The following SNTB1 variants were observed in gnomAD, a reference collection of about 807,000 sequenced individuals.
SNTB1 encodes the protein syntrophin beta 1.
A neutral mutation model predicts 48.9 loss-of-function variants in SNTB1; 36 were observed. The observed-to-expected ratio is 0.74, with a 90% CI of 0.56 to 0.97. SNTB1 has a LOEUF of 0.97. Among genes scored for constraint, SNTB1 ranks in the 50% least tolerant of loss-of-function variants. The pLI is 0.00. For missense variants in SNTB1, 786 were observed against 703.4 expected (o/e 1.12, Z -1.33); for synonymous variants, 299 against 294.6 (o/e 1.01, Z -0.15).
At chr8:120,619,811 C>T (rs956878978) in intron 3 of SNTB1, among the ~76,000 whole-genome samples, 13 of 152,128 alleles carry the variant, frequency 8.5e-5, no homozygotes, top group African/African-American at 2.7e-4. Context: ...AGATAACCCC[C>T]TCTCTAGGCA....
chr8:120,543,850 C>T (rs922156768), intron 5 of SNTB1, among the ~76,000 whole-genome samples: 12 of 152,134 alleles, frequency 7.9e-5, no homozygotes, highest in Non-Finnish European at 1.6e-4. Context: ...ACTCCTTCTG[C>T]GCACAGTCCC....
intron 3 of SNTB1, among the ~76,000 whole-genome samples, 157 bp downstream of exon 3, chr8:120,632,287 A>G (rs903739525): frequency 6.6e-6 from 1 of 152,348 alleles, no homozygotes; most frequent in East Asian, 1.9e-4. Flanking sequence ...AAACCCATGT[A>G]TAATGTAAAG....
In SNTB1 at chr8:120,604,387, A is replaced by G. The variant is rs530636425; in HGVS notation, c.996+28057T>C. Among the ~76,000 whole-genome samples, 7 of 151,366 alleles carry G rather than the reference A, an allele frequency of 4.6e-5. No homozygotes were observed. In the South Asian group the frequency reaches 6.3e-4, roughly 14 times the overall value. On this transcript the variant is annotated intron_variant, in intron 3 of 6. Coordinates refer to ENST00000517992, the MANE Select transcript of SNTB1 (RefSeq NM_021021.4). ...ACTCTTGCAGCCTTTCCATATATCA[A>G]TTCTTCTCAGGTGGTTCATATCAAA...
chr8:120,618,080 A>G (rs1373776046), intron 3 of SNTB1, among the ~76,000 whole-genome samples: 1 of 152,102 alleles, frequency 6.6e-6, no homozygotes, highest in African/African-American at 2.4e-5. Context: ...TGCACATACT[A>G]TTTCTGCAAC....
chr8:120,704,239 C>T (rs1818347640), intron 1 of SNTB1, among the ~76,000 whole-genome samples: 1 of 152,056 alleles, frequency 6.6e-6, no homozygotes, highest in South Asian at 2.1e-4. Context: ...TTGCTTGAGG[C>T]CAGGAGTTAG....
At chr8:120,786,693 T>C (rs1819928180) in intron 1 of SNTB1, among the ~76,000 whole-genome samples, 1 of 151,982 alleles carries the variant, frequency 6.6e-6, no homozygotes, top group East Asian at 1.9e-4. Context: ...AGGTCAAGAG[T>C]GTGACTGGAA....
At chr8:120,634,235 G>A (rs949423284) in intron 2 of SNTB1, among the ~76,000 whole-genome samples, 7 of 151,990 alleles carry the variant, frequency 4.6e-5, no homozygotes, top group African/African-American at 7.3e-5. Flanking sequence ...ACAGGGATTC[G>A]GAAATTCAAA....
At chr8:120,694,664 A>G (rs1482700072) in intron 1 of SNTB1, among the ~76,000 whole-genome samples, 2 of 151,718 alleles carry the variant, frequency 1.3e-5, no homozygotes, top group Admixed American at 6.6e-5. Flanking sequence ...AGTGGGGATA[A>G]AAGGAGAAAG....
chr8:120,606,383 T>C (rs1386203240), intron 3 of SNTB1, among the ~76,000 whole-genome samples: 1 of 137,550 alleles, frequency 7.3e-6, no homozygotes, highest in East Asian at 2.0e-4. Context: ...CAGTATAAAA[T>C]ACTATGTCAG....
chr8:120,574,416 G>A (rs1815914196), intron 4 of SNTB1, among the ~76,000 whole-genome samples: 1 of 152,140 alleles, frequency 6.6e-6, no homozygotes, highest in Admixed American at 6.5e-5. Context: ...TTTTGGAGGT[G>A]ATGAGTATGT....
chr8:120,638,622 GT>G (rs1817124895), intron 2 of SNTB1, among the ~76,000 whole-genome samples: 1 of 151,986 alleles, frequency 6.6e-6, no homozygotes, highest in Non-Finnish European at 1.5e-5. Flanking sequence ...TGTTCTTATT[GT>G]TCAATTCCCA....
chr8:120,682,902 G>C (rs1157938501), intron 2 of SNTB1, among the ~76,000 whole-genome samples: 1 of 119,706 alleles, frequency 8.4e-6, no homozygotes, highest in Non-Finnish European at 1.6e-5. Flanking sequence ...TTTTTTTTGA[G>C]ATGGGGACTC....
At position 120,554,314 on chromosome 8, in the gene SNTB1, C is replaced by T. The variant is rs1382424696; in HGVS notation, c.1137-5356G>A. ...TTGTGCCCTGAGCTGCTGGGACAGG[C>T]TCCGTCTGGCCACCCTTGACTCTGA... On this transcript the variant is annotated intron_variant, in intron 4 of 6. Coordinates refer to ENST00000517992, the MANE Select transcript of SNTB1 (RefSeq NM_021021.4). Among the ~76,000 whole-genome samples the T allele has an allele frequency of 3.9e-5, 6 of 152,148 alleles. No individual in the cohort carries two copies. In the East Asian group the frequency reaches 1.2e-3, roughly 29 times the overall value.
chr8:120,722,110 T>G (rs1358163440), intron 1 of SNTB1, among the ~76,000 whole-genome samples: 1 of 152,198 alleles, frequency 6.6e-6, no homozygotes, highest in Non-Finnish European at 1.5e-5. Flanking sequence ...GGTGTATATG[T>G]GCCACATTTT....
intron 3 of SNTB1, among the ~76,000 whole-genome samples, chr8:120,593,586 T>C (rs1816277774): frequency 6.6e-6 from 1 of 152,180 alleles, no homozygotes; most frequent in Non-Finnish European, 1.5e-5. Context: ...AATGAGTCCA[T>C]TTAATAAACT....
chr8:120,622,057 G>T (rs1587039237), intron 3 of SNTB1, among the ~76,000 whole-genome samples: 1 of 152,276 alleles, frequency 6.6e-6, no homozygotes, highest in East Asian at 1.9e-4. Context: ...CACTGTCTAG[G>T]CACTGGAACT....
At chr8:120,599,185 A>C (rs1312708960) in intron 3 of SNTB1, among the ~76,000 whole-genome samples, 1 of 152,220 alleles carries the variant, frequency 6.6e-6, no homozygotes, top group East Asian at 1.9e-4. Flanking sequence ...AGGGAACTTT[A>C]AGTCAAGATT....
chr8:120,775,666 AGGAG>A (rs1320853966), intron 1 of SNTB1: 42 of 147,012 alleles, frequency 2.9e-4, no homozygotes, highest in African/African-American at 9.9e-4. Context: ...GAAGGAAGTA[AGGAG>A]GGAGGGAGGA....
At chr8:120,809,213 G>A (rs57183264) in intron 1 of SNTB1, among the ~76,000 whole-genome samples, 13,850 of 152,210 alleles carry the variant, frequency 0.091, 2,083 homozygotes, top group African/African-American at 0.31. Flanking sequence ...AAGAGACGCT[G>A]TTTTGAGCAG....
Sources: gnomAD v4.1 joint callset for allele counts (sites outside exome capture counted in the v4.1 genomes callset) on GRCh38, gnomAD v4.1.1 for gene constraint, MANE v1.5 for transcripts, NCBI Gene and HGNC (gene_info 2026-07-23, HGNC 2026-07-21) for gene names.